Variants in EEFSEC observed in about 807,000 individuals in gnomAD.
The protein encoded by EEFSEC is selenocysteine-specific elongation factor.
In EEFSEC, 43 loss-of-function variants were observed where a neutral mutation model predicts 42.1. The ratio of observed to expected loss-of-function variants is 1.02; its 90% CI spans 0.80 to 1.32. The LOEUF (loss-of-function observed/expected upper bound fraction) is 1.32, where lower values mean the gene tolerates loss of function less well. Among genes scored for constraint, EEFSEC ranks in the 40% most tolerant of loss-of-function variants. EEFSEC has a pLI of 0.00. For synonymous variants in EEFSEC, 354 were observed against 339.1 expected (o/e 1.04, Z -0.48); for missense variants, 745 against 803.6 (o/e 0.93, Z 0.88).
intron 6 of EEFSEC, among the ~76,000 whole-genome samples, chr3:128,366,924 G>A (rs2067596870): frequency 6.6e-6 from 1 of 152,168 alleles, no homozygotes. Flanking sequence ...AGACGCGGTG[G>A]CTTAAACAAT....
intron 1 of EEFSEC, among the ~76,000 whole-genome samples, chr3:128,194,278 G>A (rs1351915590): frequency 6.6e-6 from 1 of 152,164 alleles, no homozygotes; most frequent in South Asian, 2.1e-4. Context: ...CCAGCTGGAG[G>A]GTGCTGAGCT....
At chr3:128,293,680 A>AAAAACG in intron 4 of EEFSEC, among the ~76,000 whole-genome samples, 1 of 95,130 alleles carries the variant, frequency 1.1e-5, no homozygotes, top group East Asian at 2.6e-4. Context: ...AAAAAAAAAA[A>AAAAACG]AAAAAAACTT....
chr3:128,177,640 T>TA (rs1576521014), intron 1 of EEFSEC, among the ~76,000 whole-genome samples: 1 of 152,182 alleles, frequency 6.6e-6, no homozygotes, highest in East Asian at 1.9e-4. Context: ...TTAGAGATGG[T>TA]AAAGAACTCC....
the EEFSEC span, among the ~76,000 whole-genome samples, chr3:128,415,680 C>T: frequency 6.6e-6 from 1 of 152,240 alleles, no homozygotes; most frequent in Non-Finnish European, 1.5e-5. Context: ...CTCCCTCAAC[C>T]TCGGGGCTCT....
At chr3:128,227,359 A>G (rs980824618) in intron 1 of EEFSEC, among the ~76,000 whole-genome samples, 1 of 151,604 alleles carries the variant, frequency 6.6e-6, no homozygotes, top group Non-Finnish European at 1.5e-5. Context: ...CCAGTAAACA[A>G]TTTCTTAGGT....
At chr3:128,331,667 G>C (rs1382497658) in intron 4 of EEFSEC, among the ~76,000 whole-genome samples, 1 of 152,088 alleles carries the variant, frequency 6.6e-6, no homozygotes, top group Non-Finnish European at 1.5e-5. Flanking sequence ...GGGTGGGACA[G>C]TAGATGTTGG....
intron 1 of EEFSEC, among the ~76,000 whole-genome samples, chr3:128,211,702 G>T (rs1268789184): frequency 6.6e-6 from 1 of 151,414 alleles, no homozygotes; most frequent in East Asian, 1.9e-4. Flanking sequence ...TTTTTGTAGA[G>T]ACTGGGTTTC....
rs757227058 is a variant in EEFSEC, at chr3:128,380,273, A to G, written c.1600+21900A>G. 3.4e-4 allele frequency among the ~76,000 whole-genome samples: 51 copies of G among 152,206 alleles called. 1 individual carries two copies. The highest frequency in any genetic ancestry group is 1.2e-3 in the Admixed American group (19 of 15,282). On this transcript the variant is annotated intron_variant, in intron 6 of 6. Coordinates refer to ENST00000254730, the MANE Select transcript of EEFSEC (RefSeq NM_021937.5). ...GCTTTTATATCTTACCTCCCCTGTT[A>G]TCCCATCCCCTTTTCATCACTATTT...
At chr3:128,168,344 G>C (rs1423647145) in intron 1 of EEFSEC, among the ~76,000 whole-genome samples, 1 of 152,122 alleles carries the variant, frequency 6.6e-6, no homozygotes, top group Admixed American at 6.5e-5. Context: ...ACTAGTTCTG[G>C]GTCCAGAGTT....
At chr3:128,195,232 CTTCT>C (rs1214940402) in intron 1 of EEFSEC, among the ~76,000 whole-genome samples, 2 of 152,160 alleles carry the variant, frequency 1.3e-5, no homozygotes, top group Non-Finnish European at 2.9e-5. Flanking sequence ...AGAAATCTGC[CTTCT>C]ATTTGTTTAA....
At chr3:128,246,545 G>T (rs2066129723) in intron 1 of EEFSEC, among the ~76,000 whole-genome samples, 1 of 152,150 alleles carries the variant, frequency 6.6e-6, no homozygotes, top group Non-Finnish European at 1.5e-5. Context: ...AAAGGCACGG[G>T]TTTTGGAGTT....
Position 128,341,750 on chromosome 3 carries a change from C to T in EEFSEC, c.1304C>T (p.Ala435Val), listed in dbSNP as rs34326479. 4,364 of 1,614,086 alleles carry T rather than the reference C, an allele frequency of 2.7e-3. 103 individuals carry two copies. The African/African-American group carries it at 0.049, about 18-fold the overall frequency. Residue 435 changes from alanine to valine, a missense_variant, in exon 5 of 7, where the codon GCG (alanine) becomes GTG (valine). Transcript: ENST00000254730. ...LCLVIGSRLD[A>V]DIHTNTCRLA... is the part of the protein sequence containing the mutation. ...CTGGTGATTGGCTCCAGGCTAGATG[C>T]GGACATTCACACCAACACGTGCCGG... is the stretch of plus-strand genomic sequence containing the variant.
At chr3:128,236,440 C>T (rs1209508437) in intron 1 of EEFSEC, among the ~76,000 whole-genome samples, 1 of 152,210 alleles carries the variant, frequency 6.6e-6, no homozygotes, top group East Asian at 1.9e-4. Flanking sequence ...GGCGGTGACA[C>T]AGAGTGTCAG....
intron 1 of EEFSEC, among the ~76,000 whole-genome samples, chr3:128,238,119 A>G (rs2066032165): frequency 6.6e-6 from 1 of 152,126 alleles, no homozygotes; most frequent in African/African-American, 2.4e-5. Context: ...CTTCCAGGGG[A>G]TAGTGGTGAG....
chr3:128,358,126 G>A (rs2067478866), intron 5 of EEFSEC, 91 bp from the exon 6 acceptor site: 1 of 1,527,162 alleles, frequency 6.5e-7, no homozygotes, highest in Admixed American at 1.8e-5. Flanking sequence ...CATGCCTAGG[G>A]CCCGGGAGAG....
chr3:128,382,179 G>A (rs1273565145), intron 6 of EEFSEC, among the ~76,000 whole-genome samples: 9 of 152,210 alleles, frequency 5.9e-5, no homozygotes, highest in Admixed American at 4.6e-4. Flanking sequence ...AAGCCCCTCT[G>A]GGCTGCTTGT....
chr3:128,340,269 C>T (rs1434807988), intron 4 of EEFSEC, among the ~76,000 whole-genome samples: 1 of 152,120 alleles, frequency 6.6e-6, no homozygotes, highest in Non-Finnish European at 1.5e-5. Flanking sequence ...TCTTCGAGAC[C>T]TTTACCCCAC....
At chr3:128,224,070 G>T (rs2065886222) in intron 1 of EEFSEC, among the ~76,000 whole-genome samples, 1 of 151,682 alleles carries the variant, frequency 6.6e-6, no homozygotes, top group South Asian at 2.1e-4. Flanking sequence ...ATTTGTGCAG[G>T]TCTACAGTTT....
At chr3:128,198,541 C>G (rs1354885000) in intron 1 of EEFSEC, among the ~76,000 whole-genome samples, 1 of 152,212 alleles carries the variant, frequency 6.6e-6, no homozygotes, top group Non-Finnish European at 1.5e-5. Flanking sequence ...TGCACAAGGC[C>G]AGCCAGAGAA....
Sources: allele counts gnomAD v4.1 joint callset (sites outside exome capture counted in the v4.1 genomes callset), GRCh38; gene constraint gnomAD v4.1.1; transcripts MANE v1.5; gene names NCBI Gene and HGNC (gene_info 2026-07-23, HGNC 2026-07-21).